The following ROBO2 variants were observed in gnomAD, a reference collection of about 807,000 sequenced individuals.
The protein encoded by ROBO2 is roundabout homolog 2.
ROBO2 carries 53 observed loss-of-function variants against 160.8 expected under a neutral mutation model. The ratio of observed to expected loss-of-function variants is 0.33; its 90% CI spans 0.26 to 0.41. The LOEUF is 0.41. ROBO2 is among the 10% of genes least tolerant of loss of function. ROBO2 has a pLI of 1.00. For synonymous variants in ROBO2, 664 were observed against 611.7 expected (o/e 1.09, Z -1.26); for missense variants, 1,577 against 1,722.4 (o/e 0.92, Z 1.49).
chr3:76,133,383 CTACATGTATTAGTCTCTAGAGACTAA>C (rs530553373), intron 2 of ROBO2, among the ~76,000 whole-genome samples: 13 of 151,804 alleles, frequency 8.6e-5, no homozygotes, highest in Admixed American at 6.6e-4. Flanking sequence ...AAAAATAATA[CTACATGTATTAGTCTCTAGAGACTAA>C]TACATGTATT....
At chr3:76,180,143 T>A (rs1239258413) in intron 2 of ROBO2, among the ~76,000 whole-genome samples, 1 of 152,168 alleles carries the variant, frequency 6.6e-6, no homozygotes, top group Non-Finnish European at 1.5e-5. Flanking sequence ...TTATTGTGAA[T>A]GCCCCAACAA....
intron 2 of ROBO2, among the ~76,000 whole-genome samples, chr3:77,263,879 CACAT>C (rs2058941645): frequency 6.6e-6 from 1 of 152,156 alleles, no homozygotes; most frequent in African/African-American, 2.4e-5. Flanking sequence ...CACACACACA[CACAT>C]AGTTAGTGTT....
intron 2 of ROBO2, among the ~76,000 whole-genome samples, chr3:77,008,700 T>C (rs2061712253): frequency 6.6e-6 from 1 of 152,092 alleles, no homozygotes; most frequent in Admixed American, 6.6e-5. Flanking sequence ...GGGTTAGAGA[T>C]ATAGAATTGG....
intron 2 of ROBO2, among the ~76,000 whole-genome samples, chr3:76,103,557 C>T (rs1394360279): frequency 6.6e-6 from 1 of 152,014 alleles, no homozygotes; most frequent in Non-Finnish European, 1.5e-5. Context: ...GGGAGAGGAC[C>T]GTTATCATTA....
At chr3:77,279,513 T>C (rs1220504519) in intron 2 of ROBO2, among the ~76,000 whole-genome samples, 1 of 152,150 alleles carries the variant, frequency 6.6e-6, no homozygotes, top group Non-Finnish European at 1.5e-5. Flanking sequence ...TTCATGCATA[T>C]GCATCTTTTA....
rs543358137 is a variant in ROBO2 at position 76,443,400 on chromosome 3, C to T, written c.109+505798C>T. Among the ~76,000 whole-genome samples, 3 of 152,198 alleles carry T rather than the reference C, an allele frequency of 2.0e-5. No homozygotes were observed. The East Asian group carries it at 5.8e-4, about 29-fold the overall frequency. On this transcript the variant is annotated intron_variant, in intron 2 of 26. Coordinates refer to the ROBO2 transcript ENST00000487694. ...TACCATCCATGGTCTCCCGCATCCA[C>T]TGAGAGTCTTGCGATGTATCCCCTG... is the stretch of plus-strand genomic sequence containing the variant.
chr3:77,635,221 A>G (rs1411032800), intron 24 of ROBO2, among the ~76,000 whole-genome samples, 178 bp downstream of exon 25: 1 of 151,850 alleles, frequency 6.6e-6, no homozygotes, highest in Non-Finnish European at 1.5e-5. Flanking sequence ...ATCTAGAATT[A>G]TTTCTATATT....
chr3:76,046,681 C>T (rs72892614), intron 2 of ROBO2, among the ~76,000 whole-genome samples: 7,267 of 152,032 alleles, frequency 0.048, 484 homozygotes, highest in African/African-American at 0.13. Flanking sequence ...GACTGGACCA[C>T]ATCATACTGG....
chr3:76,244,658 A>G (rs1270912943), intron 2 of ROBO2, among the ~76,000 whole-genome samples: 3 of 152,196 alleles, frequency 2.0e-5, no homozygotes, highest in Admixed American at 6.5e-5. Context: ...ATAACACATT[A>G]GAAGAAGTAT....
intron 2 of ROBO2, among the ~76,000 whole-genome samples, chr3:77,337,222 C>T (rs1170080700): frequency 6.6e-6 from 1 of 152,110 alleles, no homozygotes; most frequent in Admixed American, 6.6e-5. Context: ...CTTCAAATAT[C>T]TTTTTGTTCT....
At chr3:77,358,879 A>G (rs1275023003) in intron 2 of ROBO2, among the ~76,000 whole-genome samples, 2 of 152,184 alleles carry the variant, frequency 1.3e-5, no homozygotes, top group African/African-American at 4.8e-5. Context: ...ACCTTTTGGT[A>G]AGGTAAATTA....
chr3:76,786,205 T>C (rs1006729515), intron 2 of ROBO2, among the ~76,000 whole-genome samples: 1 of 151,320 alleles, frequency 6.6e-6, no homozygotes, highest in East Asian at 1.9e-4. Flanking sequence ...ATAAACATAA[T>C]GACTGAGAAA....
At chr3:77,343,708 A>G (rs998253268) in intron 2 of ROBO2, among the ~76,000 whole-genome samples, 1 of 152,196 alleles carries the variant, frequency 6.6e-6, no homozygotes, top group African/African-American at 2.4e-5. Flanking sequence ...CACAATCTTT[A>G]GTAAATTAGA....
At position 77,379,498 on chromosome 3, in the gene ROBO2, T is replaced by C. The variant is rs115453350; in HGVS notation, c.389-97916T>C. ...TGACTCTGACACCATCCTACATTTG[T>C]CTAACTTAATACGTCAGTAGCTGTA... On this transcript the variant is annotated intron_variant, in intron 2 of 25. Transcript: ENST00000461745. Among the ~76,000 whole-genome samples the C allele has an allele frequency of 3.7e-3, 561 of 152,324 alleles. 7 individuals carry two copies. Among genetic ancestry groups the C allele is most frequent in the African/African-American group, 0.013 (532 of 41,572 alleles).
intron 2 of ROBO2, among the ~76,000 whole-genome samples, chr3:76,628,950 A>G (rs2089848379): frequency 1.3e-5 from 2 of 148,286 alleles, no homozygotes; most frequent in African/African-American, 5.0e-5. Context: ...GTACGTTGGT[A>G]CTCATCATTC....
intron 2 of ROBO2, among the ~76,000 whole-genome samples, chr3:77,231,666 G>C (rs1002190090): frequency 6.6e-6 from 1 of 151,884 alleles, no homozygotes; most frequent in Non-Finnish European, 1.5e-5. Context: ...TGACTCTACT[G>C]TTTTACCCCG....
intron 2 of ROBO2, among the ~76,000 whole-genome samples, chr3:76,692,470 G>T (rs2092823329): frequency 6.6e-6 from 1 of 152,034 alleles, no homozygotes; most frequent in African/African-American, 2.4e-5. Context: ...AAGCAATTCA[G>T]CTTCTAAAGA....
At chr3:77,442,963 T>C (rs2080105718) in intron 2 of ROBO2, among the ~76,000 whole-genome samples, 1 of 152,122 alleles carries the variant, frequency 6.6e-6, no homozygotes, top group Non-Finnish European at 1.5e-5. Flanking sequence ...CTTGCACATA[T>C]GGTGGTTCTC....
intron 2 of ROBO2, among the ~76,000 whole-genome samples, chr3:76,847,473 C>A (rs974304218): frequency 1.3e-5 from 2 of 152,068 alleles, no homozygotes; most frequent in East Asian, 3.9e-4. Context: ...GGTAAGAACA[C>A]CACATACTTG....
Sources: gnomAD v4.1 joint callset for allele counts (sites outside exome capture counted in the v4.1 genomes callset) on GRCh38, gnomAD v4.1.1 for gene constraint, MANE v1.5 for transcripts, NCBI Gene and HGNC (gene_info 2026-07-23, HGNC 2026-07-21) for gene names.